FAF1: variants seen among roughly 807,000 people sequenced by gnomAD.
FAF1 encodes FAS-associated factor 1.
FAF1 carries 25 observed loss-of-function variants against 92.5 expected under a neutral mutation model. That is an observed-to-expected ratio of 0.27 (90% CI 0.20 to 0.38). FAF1 has a LOEUF of 0.38. FAF1 is among the 10% of genes least tolerant of loss of function. The pLI is 1.00. For synonymous variants in FAF1, 234 were observed against 273.2 expected (o/e 0.86, Z 1.42); for missense variants, 636 against 793.3 (o/e 0.80, Z 2.38).
intron 5 of FAF1, among the ~76,000 whole-genome samples, chr1:50,743,376 A>G (rs1659461630): frequency 1.3e-5 from 2 of 152,212 alleles, no homozygotes; most frequent in South Asian, 2.1e-4. Context: ...CGCCCAGGCT[A>G]GAGTACAGTG....
At chr1:50,635,850 C>A (rs960516991) in intron 8 of FAF1, among the ~76,000 whole-genome samples, 1 of 152,176 alleles carries the variant, frequency 6.6e-6, no homozygotes, top group Non-Finnish European at 1.5e-5. Flanking sequence ...AAATTTAGGT[C>A]AGCTACTAGG....
At chr1:50,903,951 A>G (rs1012389557) in intron 1 of FAF1, among the ~76,000 whole-genome samples, 1 of 152,326 alleles carries the variant, frequency 6.6e-6, no homozygotes, top group African/African-American at 2.4e-5. Context: ...AAACTTCTAC[A>G]TAAGTATGGC....
intron 4 of FAF1, among the ~76,000 whole-genome samples, chr1:50,766,420 T>C (rs1201612988): frequency 2.0e-5 from 3 of 152,248 alleles, no homozygotes; most frequent in Middle Eastern, 3.4e-3. Context: ...CAGACTCTTA[T>C]GGCCAGAAAG....
intron 1 of FAF1, among the ~76,000 whole-genome samples, chr1:50,942,580 G>A (rs1370830774): frequency 6.6e-6 from 1 of 152,036 alleles, no homozygotes; most frequent in Non-Finnish European, 1.5e-5. Context: ...TACCTTGCAG[G>A]GTGGTAACAA....
chr1:50,957,539 G>A (rs1645278859), intron 1 of FAF1, among the ~76,000 whole-genome samples: 1 of 151,572 alleles, frequency 6.6e-6, no homozygotes, highest in African/African-American at 2.4e-5. Flanking sequence ...TTTTTTAGTA[G>A]AGACCGGGTT....
chr1:50,467,588 C>T (rs868449495), intron 18 of FAF1, among the ~76,000 whole-genome samples: 3 of 152,250 alleles, frequency 2.0e-5, no homozygotes, highest in Middle Eastern at 3.4e-3. Context: ...GCTGGAATTA[C>T]AGACATGAGC....
At position 50,518,083 on chromosome 1, in the gene FAF1, A is replaced by G. The variant is rs530818750; in HGVS notation, c.1494+17286T>C. Reference sequence around the variant, plus strand: ...AATCAGGATACGAAACAGTTTCATCATACAAAAAATATCCCTTGTGGTATC... The same window carrying G: ...AATCAGGATACGAAACAGTTTCATCGTACAAAAAATATCCCTTGTGGTATC... On this transcript the variant is annotated intron_variant, in intron 15 of 18. Transcript: ENST00000396153. 1.1e-4 allele frequency among the ~76,000 whole-genome samples: 17 copies of G among 152,324 alleles called. 1 individual carries two copies. The East Asian group carries it at 3.3e-3, about 29-fold the overall frequency.
At chr1:50,881,791 A>C (rs1644614558) in intron 1 of FAF1, among the ~76,000 whole-genome samples, 1 of 152,230 alleles carries the variant, frequency 6.6e-6, no homozygotes, top group Non-Finnish European at 1.5e-5. Flanking sequence ...GGATTATATT[A>C]AATGCCTATA....
chr1:50,780,178 C>T (rs1661118218), intron 4 of FAF1, among the ~76,000 whole-genome samples: 1 of 152,124 alleles, frequency 6.6e-6, no homozygotes, highest in African/African-American at 2.4e-5. Flanking sequence ...GATATAAAAA[C>T]AAGACCCAAT....
chr1:50,796,558 G>A (rs1291315636), intron 3 of FAF1, among the ~76,000 whole-genome samples: 1 of 152,044 alleles, frequency 6.6e-6, no homozygotes, highest in Non-Finnish European at 1.5e-5. Flanking sequence ...TGGTCAGCAG[G>A]GGGCTTTCCC....
chr1:50,829,821 G>T (rs981876616), intron 2 of FAF1, among the ~76,000 whole-genome samples: 7 of 152,206 alleles, frequency 4.6e-5, no homozygotes, highest in African/African-American at 7.2e-5. Context: ...TAAACGTCAT[G>T]AGCCAAACTG....
rs371353477 is a variant in FAF1, at chr1:50,704,176, A to C, written c.657+1610T>G. On this transcript the variant is annotated intron_variant, in intron 7 of 18. Transcript: ENST00000396153. ...CTTTTTGTTAATATAAGAGAAGCTA[A>C]TTTGAAAACACTGAATAGCATTTTT... 3.9e-5 allele frequency among the ~76,000 whole-genome samples: 6 copies of C among 152,258 alleles called. 1 individual carries two copies. Among genetic ancestry groups the C allele is most frequent in the African/African-American group, 1.4e-4 (6 of 41,546 alleles).
chr1:50,667,642 T>C (rs1483524683), intron 7 of FAF1, among the ~76,000 whole-genome samples: 2 of 152,248 alleles, frequency 1.3e-5, no homozygotes, highest in South Asian at 4.1e-4. Flanking sequence ...AAAACACAAG[T>C]GCACACATGC....
At chr1:50,701,172 A>AT (rs1657457989) in intron 7 of FAF1, among the ~76,000 whole-genome samples, 1 of 152,126 alleles carries the variant, frequency 6.6e-6, no homozygotes, top group African/African-American at 2.4e-5. Context: ...GTGATTTCAA[A>AT]TTTTAAAAAA....
At chr1:50,840,801 T>C (rs1007839301) in intron 2 of FAF1, among the ~76,000 whole-genome samples, 2 of 151,958 alleles carry the variant, frequency 1.3e-5, no homozygotes, top group African/African-American at 4.8e-5. Flanking sequence ...AATATAAGGG[T>C]ATTTATTACA....
At chr1:50,942,304 C>G (rs565221707) in intron 1 of FAF1, among the ~76,000 whole-genome samples, 1 of 152,148 alleles carries the variant, frequency 6.6e-6, no homozygotes, top group Admixed American at 6.5e-5. Context: ...AGTTTGAGAC[C>G]AGCCTGGGCA....
At chr1:50,923,826 C>T (rs191806003) in intron 1 of FAF1, among the ~76,000 whole-genome samples, 2 of 152,268 alleles carry the variant, frequency 1.3e-5, no homozygotes, top group East Asian at 3.9e-4. Flanking sequence ...GAACCAGAAT[C>T]ATATTTTCAT....
chr1:50,760,227 C>T (rs574082018), intron 4 of FAF1, among the ~76,000 whole-genome samples: 148 of 152,232 alleles, frequency 9.7e-4, no homozygotes, highest in Non-Finnish European at 1.8e-3. Context: ...GACTCCCACA[C>T]ATTAATAATG....
At chr1:50,736,564 A>T (rs1659146390) in intron 6 of FAF1, among the ~76,000 whole-genome samples, 1 of 152,184 alleles carries the variant, frequency 6.6e-6, no homozygotes, top group South Asian at 2.1e-4. Flanking sequence ...AGCCTGTCCA[A>T]CATGGTGAAA....
Sources: gnomAD v4.1 joint callset for allele counts (sites outside exome capture counted in the v4.1 genomes callset) on GRCh38, gnomAD v4.1.1 for gene constraint, MANE v1.5 for transcripts, NCBI Gene and HGNC (gene_info 2026-07-23, HGNC 2026-07-21) for gene names.